COL19A1: variants seen among roughly 807,000 people sequenced by gnomAD.
COL19A1 encodes the protein collagen alpha-1(XIX) chain.
Under a neutral mutation model 190.2 loss-of-function variants are expected in COL19A1, and 159 were observed. That is an observed-to-expected ratio of 0.84 (90% CI 0.73 to 0.95). The LOEUF (loss-of-function observed/expected upper bound fraction) is 0.95. Among genes scored for constraint, COL19A1 ranks in the 40% least tolerant of loss-of-function variants. The pLI is 0.00. For synonymous variants in COL19A1, 509 were observed against 458.9 expected (o/e 1.11, Z -1.39); for missense variants, 1,418 against 1,431.9 (o/e 0.99, Z 0.16).
At position 70,209,308 on chromosome 6, in the gene COL19A1, C is replaced by A. The variant is rs2127539610; in HGVS notation, c.*2034C>A. The A allele has an allele frequency of 6.6e-6, 1 of 152,496 alleles. No homozygotes were observed. Among genetic ancestry groups the A allele is most frequent in the African/African-American group, 2.4e-5 (1 of 41,522 alleles). The allele number at this position is 152,496 out of a possible 1,614,324, so 9.4% of individuals were successfully genotyped here. On this transcript the variant is annotated 3_prime_UTR_variant, in exon 51 of 51. Transcript: ENST00000620364. ...TATATGTTTTCAAAGATTATTTTTTCATATTAATAGGTTGTTTATCTTTTT... is the reference window on the plus strand; with the variant it reads ...TATATGTTTTCAAAGATTATTTTTTAATATTAATAGGTTGTTTATCTTTTT...
At chr6:70,071,416 GT>G (rs1781550499) in intron 15 of COL19A1, among the ~76,000 whole-genome samples, 1 of 151,944 alleles carries the variant, frequency 6.6e-6, no homozygotes, top group Non-Finnish European at 1.5e-5. Flanking sequence ...TTTATAAAGT[GT>G]TCATTTAATA....
At chr6:70,004,078 A>G (rs1337206362) in intron 11 of COL19A1, among the ~76,000 whole-genome samples, 4 of 152,176 alleles carry the variant, frequency 2.6e-5, no homozygotes, top group Non-Finnish European at 5.9e-5. Flanking sequence ...TGGTAACACA[A>G]TCCCTCAGCA....
intron 14 of COL19A1, among the ~76,000 whole-genome samples, chr6:70,054,587 C>A (rs2150135477): frequency 6.6e-6 from 1 of 152,226 alleles, no homozygotes; most frequent in South Asian, 2.1e-4. Flanking sequence ...AGCTTATTTG[C>A]CTTAACTTGT....
At chr6:70,171,009 C>G (rs1018071856) in intron 40 of COL19A1, among the ~76,000 whole-genome samples, 5 of 152,174 alleles carry the variant, frequency 3.3e-5, no homozygotes, top group Non-Finnish European at 5.9e-5. Context: ...CATCAAACAA[C>G]TCCCCACTTT....
At position 70,142,785 on chromosome 6, in the gene COL19A1, G is replaced by T. The variant is rs1786347783; in HGVS notation, c.1591G>T (p.Gly531Cys). 6.2e-7 allele frequency: 1 copy of T among 1,612,162 alleles called. No individual in the cohort carries two copies. The highest frequency in any genetic ancestry group is 1.3e-5 in the African/African-American group (1 of 74,822). Reference protein sequence around the residue: ...PGLKGQQGSAGSMGPRGPPGD... With the variant: ...PGLKGQQGSACSMGPRGPPGD... ...ATTTTAGGGTCAGCAAGGATCTGCAGGCTCCATGGGACCCAGAGGACCGCC... is the reference window on the plus strand; with the variant it reads ...ATTTTAGGGTCAGCAAGGATCTGCATGCTCCATGGGACCCAGAGGACCGCC... The change falls in exon 23 of 51, where the codon GGC (glycine) becomes TGC (cysteine). Residue 531 changes from glycine (G) to cysteine (C), a missense_variant. Physicochemically the swap from Gly to Cys is radical, Grantham distance 159. Transcript: ENST00000620364.
At chr6:70,108,978 C>A (rs1248229878) in intron 16 of COL19A1, among the ~76,000 whole-genome samples, 1 of 152,038 alleles carries the variant, frequency 6.6e-6, no homozygotes, top group Non-Finnish European at 1.5e-5. Context: ...TACTTATGGC[C>A]TATCTACTAT....
At chr6:70,058,282 A>G (rs943925067) in intron 14 of COL19A1, among the ~76,000 whole-genome samples, 2 of 152,078 alleles carry the variant, frequency 1.3e-5, no homozygotes, top group African/African-American at 4.8e-5. Context: ...CCAGGTCTCC[A>G]TATGAAATTG....
chr6:69,892,899 A>C (rs1487771518), intron 2 of COL19A1, among the ~76,000 whole-genome samples: 1 of 152,222 alleles, frequency 6.6e-6, no homozygotes, highest in Admixed American at 6.5e-5. Flanking sequence ...CAAAAGAAAA[A>C]TGGATTCTTA....
At chr6:70,186,821 C>T (rs1583120800) in intron 46 of COL19A1, among the ~76,000 whole-genome samples, 1 of 152,260 alleles carries the variant, frequency 6.6e-6, no homozygotes, top group Middle Eastern at 3.4e-3. Flanking sequence ...TTAGGCACAT[C>T]TAATATAATA....
chr6:70,128,329 T>C (rs1450986539), intron 17 of COL19A1, among the ~76,000 whole-genome samples: 3 of 152,080 alleles, frequency 2.0e-5, no homozygotes, highest in South Asian at 2.1e-4. Flanking sequence ...CAAAGGTAAA[T>C]AAGAGTGCTG....
At chr6:69,990,705 G>T (rs1297353679) in intron 11 of COL19A1, among the ~76,000 whole-genome samples, 1 of 152,014 alleles carries the variant, frequency 6.6e-6, no homozygotes, top group Non-Finnish European at 1.5e-5. Flanking sequence ...TAGGTGTGAT[G>T]TTTTTAGCAA....
At position 70,149,706 on chromosome 6, in the gene COL19A1, C is replaced by T. The variant is rs373319690; in HGVS notation, c.1896C>T (p.Gly632=). ...AATAAAATCTCATTTGTACTCAGGGCGCCCAAGGACCAGCTGGAGAGCCAG... is the reference window on the plus strand; with the variant it reads ...AATAAAATCTCATTTGTACTCAGGGTGCCCAAGGACCAGCTGGAGAGCCAG... ...PQGIGIPGRT[G]AQGPAGEPGI... Residue 632 remains glycine, a splice_region_variant and synonymous_variant, in exon 28 of 51, where the codon GGC becomes GGT. Coordinates refer to ENST00000620364, the MANE Select transcript of COL19A1 (RefSeq NM_001858.6). 1.2e-5 allele frequency: 20 copies of T among 1,613,278 alleles called. No homozygotes were observed. The highest frequency in any genetic ancestry group is 6.7e-5 in the Admixed American group (4 of 59,900).
chr6:70,196,928 T>C (rs1343158984), intron 48 of COL19A1, among the ~76,000 whole-genome samples: 2 of 152,158 alleles, frequency 1.3e-5, no homozygotes, highest in Non-Finnish European at 2.9e-5. Flanking sequence ...ACCCTTATGC[T>C]AAATGACTGT....
chr6:70,111,873 G>T (rs1037061764), intron 16 of COL19A1, among the ~76,000 whole-genome samples: 14 of 152,116 alleles, frequency 9.2e-5, no homozygotes, highest in African/African-American at 3.4e-4. Flanking sequence ...TTCCAGAGCT[G>T]CCCAGAATGT....
chr6:70,056,142 G>A (rs1425164126), intron 14 of COL19A1, among the ~76,000 whole-genome samples: 2 of 151,986 alleles, frequency 1.3e-5, no homozygotes, highest in Middle Eastern at 3.4e-3. Flanking sequence ...TTACTCCTTC[G>A]TTTATGTGAA....
intron 14 of COL19A1, among the ~76,000 whole-genome samples, chr6:70,053,401 A>C (rs1780317352): frequency 6.6e-6 from 1 of 152,132 alleles, no homozygotes; most frequent in East Asian, 1.9e-4. Flanking sequence ...ATAGATTCAC[A>C]ATCTGATTAT....
chr6:69,945,446 C>T (rs2150029332), intron 9 of COL19A1, among the ~76,000 whole-genome samples: 1 of 152,096 alleles, frequency 6.6e-6, no homozygotes, highest in South Asian at 2.1e-4. Context: ...TCTGACATTA[C>T]TCATATGCCC....
At chr6:70,078,282 A>G (rs1782013189) in intron 15 of COL19A1, among the ~76,000 whole-genome samples, 1 of 152,202 alleles carries the variant, frequency 6.6e-6, no homozygotes, top group African/African-American at 2.4e-5. Flanking sequence ...GTGACATACC[A>G]TGGAAGTTGG....
chr6:69,900,223 C>A lies in COL19A1; in HGVS notation c.167-16C>A. The A allele has an allele frequency of 6.8e-7, 1 of 1,465,554 alleles. No homozygotes were observed. Among genetic ancestry groups the A allele is most frequent in the Non-Finnish European group, 9.3e-7 (1 of 1,070,584 alleles). 90.8% of individuals were successfully genotyped at this position (1,465,554 alleles called of 1,614,324 possible). A position where few individuals can be genotyped will look rare whatever the true frequency, so the allele number is the denominator to read the frequency against. ...CTATTAGTTTATTAAATTGAATCAT[C>A]TGTTACATTTTACAGGTTTTGATCT... On this transcript the variant is annotated splice_polypyrimidine_tract_variant and intron_variant, in intron 3 of 50. Coordinates refer to ENST00000620364, the MANE Select transcript of COL19A1 (RefSeq NM_001858.6).
Sources: allele counts gnomAD v4.1 joint callset (sites outside exome capture counted in the v4.1 genomes callset), GRCh38; gene constraint gnomAD v4.1.1; transcripts MANE v1.5; gene names NCBI Gene and HGNC (gene_info 2026-07-23, HGNC 2026-07-21).